RELN: variants seen among roughly 807,000 people sequenced by gnomAD.
RELN encodes the protein reelin.
Under a neutral mutation model 427.6 loss-of-function variants are expected in RELN, and 108 were observed. The ratio of observed to expected loss-of-function variants is 0.25; its 90% confidence interval spans 0.22 to 0.30. The LOEUF (loss-of-function observed/expected upper bound fraction) is 0.30. Ranked by LOEUF, RELN falls within the 10% of genes least tolerant of loss-of-function variation. The pLI, the probability that RELN is intolerant of heterozygous loss-of-function variation, is 1.00. For synonymous variants in RELN, 1,524 were observed against 1,513.4 expected (o/e 1.01, Z -0.16); for missense variants, 3,715 against 4,302.8 (o/e 0.86, Z 3.82).
Position 103,502,394 on chromosome 7 carries a change from T to C in RELN, c.8489+622A>G, listed in dbSNP as rs78887524. Among the ~76,000 whole-genome samples the C allele has an allele frequency of 1.6e-3, 248 of 152,376 alleles. 1 individual carries two copies. The highest frequency in any genetic ancestry group is 5.7e-3 in the African/African-American group (238 of 41,602). ...TAATACAGTCTAGGTGCACCTGTTA[T>C]TTTCTTTTGTGTATCTTTACTTTTA... On this transcript the variant is annotated intron_variant, in intron 52 of 64. Transcript: ENST00000428762.
At chr7:103,550,436 C>G (rs1830386635) in intron 41 of RELN, among the ~76,000 whole-genome samples, 2 of 152,106 alleles carry the variant, frequency 1.3e-5, no homozygotes, top group African/African-American at 2.4e-5. Flanking sequence ...TGTTGACTTC[C>G]TCTCTTTGTT....
chr7:103,596,759 T>TG (rs1390334946), intron 24 of RELN, 98 bp from the exon 25 acceptor site: 1 of 1,033,830 alleles, frequency 9.7e-7, no homozygotes, highest in Non-Finnish European at 1.5e-6. Context: ...TAGCACTATG[T>TG]GGAAATGGTC....
chr7:103,986,964 GTGTGTGTGT>G (rs1167730902), intron 1 of RELN, among the ~76,000 whole-genome samples: 6 of 90,746 alleles, frequency 6.6e-5, no homozygotes, highest in African/African-American at 1.6e-4. Flanking sequence ...GTGTGTGTGT[GTGTGTGTGT>G]CTGAATTTTT....
intron 6 of RELN, among the ~76,000 whole-genome samples, chr7:103,741,194 T>C (rs1294241425): frequency 6.6e-6 from 1 of 152,102 alleles, no homozygotes. Context: ...CAAAACAAAC[T>C]GGGGCTTTGT....
rs530079020 is a variant in RELN, at chr7:103,676,033, C to A, written c.1289+6083G>T. On this transcript the variant is annotated intron_variant, in intron 11 of 64. Transcript: ENST00000428762. ...CAATGGCAACAAAAGCCAAAATTGA[C>A]AAATGGGATCTAATTAAACTAAAGA... Among the ~76,000 whole-genome samples, 453 of 152,172 alleles carry A rather than the reference C, an allele frequency of 3.0e-3. 1 individual carries two copies. Among genetic ancestry groups the A allele is most frequent in the African/African-American group, 0.011 (438 of 41,516 alleles).
chr7:103,703,785 G>A (rs1414709764), intron 8 of RELN, among the ~76,000 whole-genome samples: 4 of 152,152 alleles, frequency 2.6e-5, no homozygotes, highest in Admixed American at 6.6e-5. Context: ...GTTGAAGGAG[G>A]AAAGGTAATG....
At chr7:103,722,319 A>C in intron 8 of RELN, among the ~76,000 whole-genome samples, 1 of 152,124 alleles carries the variant, frequency 6.6e-6, no homozygotes, top group South Asian at 2.1e-4. Context: ...TCCTTTTGCT[A>C]ACGGCAGACC....
intron 1 of RELN, among the ~76,000 whole-genome samples, chr7:103,961,173 G>A (rs1319286776): frequency 1.3e-5 from 2 of 152,178 alleles, no homozygotes; most frequent in Non-Finnish European, 2.9e-5. Context: ...AACTGTGAGA[G>A]AAAACATTTT....
chr7:103,639,209 A>G (rs1440707642), intron 17 of RELN, among the ~76,000 whole-genome samples: 1 of 152,156 alleles, frequency 6.6e-6, no homozygotes, highest in Non-Finnish European at 1.5e-5. Context: ...ACAGGAATGC[A>G]TATTCAGTTT....
chr7:103,830,928 G>T (rs1350183291), intron 3 of RELN, among the ~76,000 whole-genome samples: 1 of 152,084 alleles, frequency 6.6e-6, no homozygotes, highest in Non-Finnish European at 1.5e-5. Context: ...TATGGGTGAG[G>T]ATGTGTAAAC....
At chr7:103,526,815 C>G (rs929756876) in intron 46 of RELN, among the ~76,000 whole-genome samples, 2 of 152,082 alleles carry the variant, frequency 1.3e-5, no homozygotes, top group Non-Finnish European at 2.9e-5. Context: ...CCAAGAACTA[C>G]GAGTGTCTTG....
At chr7:103,862,537 C>A (rs1415645442) in intron 2 of RELN, among the ~76,000 whole-genome samples, 2 of 151,904 alleles carry the variant, frequency 1.3e-5, no homozygotes, top group African/African-American at 4.8e-5. Context: ...CTGTTCCTTT[C>A]ACTCTCATGC....
intron 41 of RELN, among the ~76,000 whole-genome samples, chr7:103,545,852 T>A (rs1830284466): frequency 6.6e-6 from 1 of 152,136 alleles, no homozygotes; most frequent in South Asian, 2.1e-4. Flanking sequence ...GCCAGGCTGG[T>A]CTTGAACTCC....
intron 4 of RELN, among the ~76,000 whole-genome samples, chr7:103,769,721 A>T (rs140593188): frequency 6.6e-6 from 1 of 152,166 alleles, no homozygotes; most frequent in African/African-American, 2.4e-5. Context: ...GTGTCCTCCT[A>T]TTGAACATAA....
At chr7:103,579,397 G>A (rs979247254) in intron 28 of RELN, among the ~76,000 whole-genome samples, 7 of 152,054 alleles carry the variant, frequency 4.6e-5, no homozygotes, top group African/African-American at 7.2e-5. Context: ...TTACGAGTTC[G>A]AGACTAGCCT....
chr7:103,867,821 G>A (rs566067488), intron 2 of RELN, among the ~76,000 whole-genome samples: 1 of 151,882 alleles, frequency 6.6e-6, no homozygotes, highest in Non-Finnish European at 1.5e-5. Context: ...GAAAAAAAAT[G>A]ACCGATTTTT....
chr7:103,975,661 T>TA (rs1286034349), intron 1 of RELN, among the ~76,000 whole-genome samples: 1 of 150,914 alleles, frequency 6.6e-6, no homozygotes, highest in African/African-American at 2.4e-5. Flanking sequence ...TTCTCCTGCC[T>TA]CAGCCTCCCG....
intron 19 of RELN, among the ~76,000 whole-genome samples, chr7:103,632,870 T>C (rs1377694872): frequency 1.3e-5 from 2 of 152,026 alleles, no homozygotes; most frequent in Non-Finnish European, 2.9e-5. Flanking sequence ...AAAGAGGAGA[T>C]TAAATATAAT....
At chr7:103,635,316 C>T (rs1832554687) in intron 19 of RELN, 109 bp downstream of exon 19, 1 of 1,199,468 alleles carries the variant, frequency 8.3e-7, no homozygotes, top group Non-Finnish European at 1.2e-6. Flanking sequence ...TCTTTGTGCG[C>T]TCCATCTGTC....
Sources: allele counts gnomAD v4.1 joint callset (sites outside exome capture counted in the v4.1 genomes callset), GRCh38; gene constraint gnomAD v4.1.1; transcripts MANE v1.5; gene names NCBI Gene and HGNC (gene_info 2026-07-23, HGNC 2026-07-21).